GPC5: variants seen among roughly 807,000 people sequenced by gnomAD.
The protein encoded by GPC5 is glypican 5, also known as glypican-5.
Under a neutral mutation model 53.9 loss-of-function variants are expected in GPC5, and 47 were observed. The observed-to-expected ratio is 0.87, with a 90% CI of 0.69 to 1.11. GPC5 has a LOEUF of 1.11. Ranked by LOEUF, GPC5 falls within the 50% of genes most tolerant of loss-of-function variation. The pLI is 0.00. For missense variants in GPC5, 748 were observed against 713.1 expected (o/e 1.05, Z -0.56); for synonymous variants, 286 against 263.3 (o/e 1.09, Z -0.84).
At chr13:92,178,195 G>A (rs563928612) in intron 7 of GPC5, among the ~76,000 whole-genome samples, 30 of 152,232 alleles carry the variant, frequency 2.0e-4, no homozygotes, top group East Asian at 1.5e-3. Context: ...CACAGCAGGC[G>A]CATCAGAACA....
chr13:91,910,242 A>G (rs994394660), intron 6 of GPC5, among the ~76,000 whole-genome samples: 6 of 152,172 alleles, frequency 3.9e-5, no homozygotes, highest in African/African-American at 1.4e-4. Context: ...GATAATGTAC[A>G]CGTGCCCTGG....
intron 2 of GPC5, among the ~76,000 whole-genome samples, chr13:91,555,396 G>A (rs1388233555): frequency 1.3e-5 from 2 of 151,974 alleles, no homozygotes; most frequent in African/African-American, 2.4e-5. Flanking sequence ...TTTTGTAAGA[G>A]CATCTGGTAC....
At chr13:92,212,054 G>T (rs1045784277) in intron 7 of GPC5, among the ~76,000 whole-genome samples, 2 of 150,500 alleles carry the variant, frequency 1.3e-5, no homozygotes, top group Non-Finnish European at 2.9e-5. Flanking sequence ...GCCCTGTTCC[G>T]CAGGTGGTAA....
chr13:92,753,740 T>G (rs984721949), intron 7 of GPC5, among the ~76,000 whole-genome samples: 8 of 150,948 alleles, frequency 5.3e-5, no homozygotes, highest in Admixed American at 5.3e-4. Flanking sequence ...CAATGGAAGA[T>G]GAAATGAATG....
intron 7 of GPC5, among the ~76,000 whole-genome samples, chr13:92,291,642 C>T (rs565359879): frequency 1.3e-5 from 2 of 152,256 alleles, no homozygotes; most frequent in South Asian, 4.1e-4. Context: ...CAGTGGCAAC[C>T]CGCTAGGGTC....
At chr13:92,078,205 AT>A (rs1175127080) in intron 6 of GPC5, among the ~76,000 whole-genome samples, 4 of 152,222 alleles carry the variant, frequency 2.6e-5, no homozygotes, top group African/African-American at 9.6e-5. Flanking sequence ...TTCTTTAGCA[AT>A]TCATCCAATT....
intron 7 of GPC5, among the ~76,000 whole-genome samples, chr13:92,779,331 T>C (rs762350600): frequency 3.3e-5 from 5 of 152,126 alleles, no homozygotes; most frequent in Non-Finnish European, 5.9e-5. Flanking sequence ...GGAGTTAGAA[T>C]TCAAGATGAG....
At chr13:91,812,616 TC>T (rs2038330838) in intron 5 of GPC5, among the ~76,000 whole-genome samples, 1 of 152,190 alleles carries the variant, frequency 6.6e-6, no homozygotes, top group African/African-American at 2.4e-5. Context: ...CCAGCATTTT[TC>T]TAGTACATAT....
intron 7 of GPC5, among the ~76,000 whole-genome samples, chr13:92,248,866 G>T (rs2042671936): frequency 1.3e-5 from 2 of 152,020 alleles, no homozygotes; most frequent in African/African-American, 4.8e-5. Flanking sequence ...TTATTGACAA[G>T]GTTAATCAAT....
intron 6 of GPC5, among the ~76,000 whole-genome samples, chr13:91,983,789 G>A (rs186375866): frequency 1.3e-5 from 2 of 152,186 alleles, no homozygotes; most frequent in Non-Finnish European, 2.9e-5. Flanking sequence ...GATCTGAGGG[G>A]CTGCCATTTC....
intron 7 of GPC5, among the ~76,000 whole-genome samples, chr13:92,187,693 T>A (rs1324147113): frequency 6.6e-6 from 1 of 152,188 alleles, no homozygotes; most frequent in East Asian, 1.9e-4. Flanking sequence ...ATGAGACACA[T>A]GTGATTAATT....
chr13:91,919,153 A>G (rs2039686811), intron 6 of GPC5, among the ~76,000 whole-genome samples: 1 of 152,020 alleles, frequency 6.6e-6, no homozygotes. Context: ...CTACTAATCC[A>G]TTACTACAGT....
At chr13:91,420,367 TC>T (rs1878527408) in intron 1 of GPC5, among the ~76,000 whole-genome samples, 1 of 152,196 alleles carries the variant, frequency 6.6e-6, no homozygotes, top group African/African-American at 2.4e-5. Flanking sequence ...TCCTCATAGT[TC>T]CTGGATCACA....
At chr13:92,367,014 C>A (rs2043612472) in intron 7 of GPC5, among the ~76,000 whole-genome samples, 1 of 152,098 alleles carries the variant, frequency 6.6e-6, no homozygotes, top group African/African-American at 2.4e-5. Flanking sequence ...TTTGTCCAGA[C>A]TGAATTCTTA....
At chr13:92,050,206 C>G (rs2041016066) in intron 6 of GPC5, among the ~76,000 whole-genome samples, 1 of 152,096 alleles carries the variant, frequency 6.6e-6, no homozygotes, top group Non-Finnish European at 1.5e-5. Flanking sequence ...TAGAGTTCAT[C>G]CTCATGATAT....
intron 6 of GPC5, among the ~76,000 whole-genome samples, chr13:92,023,665 G>GAC (rs367677767): frequency 0.082 from 11,556 of 141,156 alleles, 659 homozygotes; most frequent in African/African-American, 0.17. Flanking sequence ...CTTTGCTGAG[G>GAC]ACACACACAC....
chr13:92,009,930 G>A (rs529173212), intron 6 of GPC5, among the ~76,000 whole-genome samples: 54 of 152,178 alleles, frequency 3.5e-4, no homozygotes, highest in African/African-American at 1.1e-3. Flanking sequence ...AGGGTATATA[G>A]TCTAAGTCCA....
At chr13:92,545,220 T>A (rs1265362867) in intron 7 of GPC5, among the ~76,000 whole-genome samples, 5 of 152,210 alleles carry the variant, frequency 3.3e-5, no homozygotes, top group South Asian at 2.1e-4. Context: ...GTTTCCAGCT[T>A]CATCCATGTC....
intron 7 of GPC5, among the ~76,000 whole-genome samples, chr13:92,718,049 A>G (rs1259983336): frequency 6.6e-6 from 1 of 152,174 alleles, no homozygotes; most frequent in Non-Finnish European, 1.5e-5. Flanking sequence ...GGCAAACAAT[A>G]AAAAATGCTG....
Sources: allele counts gnomAD v4.1 joint callset (sites outside exome capture counted in the v4.1 genomes callset), GRCh38; gene constraint gnomAD v4.1.1; transcripts MANE v1.5; gene names NCBI Gene and HGNC (gene_info 2026-07-23, HGNC 2026-07-21).